Variants in COX6A1 observed in about 807,000 individuals in gnomAD.
COX6A1 encodes cytochrome c oxidase subunit 6A1.
Under a neutral mutation model 11.3 loss-of-function variants are expected in COX6A1, and 10 were observed. That is an observed-to-expected ratio of 0.88 (90% CI 0.54 to 1.50). The LOEUF is 1.50. Ranked by LOEUF, COX6A1 falls within the 40% of genes most tolerant of loss-of-function variation. The pLI, the probability that COX6A1 is intolerant of heterozygous loss-of-function variation, is 0.00. For missense variants in COX6A1, 149 were observed against 147.6 expected (o/e 1.01, Z -0.05); for synonymous variants, 81 against 60.6 (o/e 1.34, Z -1.57).
In COX6A1 at chr12:120,438,176, G is replaced by A. The variant is rs139069733; in HGVS notation, c.50G>A (p.Arg17His). Reference protein sequence around the residue: ...SSVSRLLGRSRPQLGRPMSSG... With the variant: ...SSVSRLLGRSHPQLGRPMSSG... ...GTTTCTCGGCTGCTGGGTCGGTCCC[G>A]CCCACAGCTGGGGCGGCCTATGTCG... The change falls in exon 1 of 3, where the codon CGC (arginine) becomes CAC (histidine). Residue 17 changes from arginine to histidine, a missense_variant. Transcript: ENST00000229379. 45 of 1,613,724 alleles carry A rather than the reference G, an allele frequency of 2.8e-5. No individual in the cohort carries two copies. Among genetic ancestry groups the A allele is most frequent in the Non-Finnish European group, 3.6e-5 (43 of 1,179,948 alleles).
rs1877612517 is a variant in COX6A1 at position 120,438,133 on chromosome 12, GT to G, written c.8del (p.Val3GlufsTer53). 2 of 1,613,468 alleles carry G rather than the reference GT, an allele frequency of 1.2e-6. No individual in the cohort carries two copies. Among genetic ancestry groups the G allele is most frequent in the Non-Finnish European group, 1.7e-6 (2 of 1,179,876 alleles). ...GCGGCAGTCCAGATCAAAAATGGCG[GT>G]AGTTGGTGTGTCCTCGGTTTCTCGG... MA[V>X]VGVSSVSRLL... is the part of the protein sequence containing the mutation. On this transcript the variant is annotated frameshift_variant, in exon 1 of 3. Coordinates refer to ENST00000229379, the MANE Select transcript of COX6A1 (RefSeq NM_004373.4). LOFTEE classifies it high-confidence loss of function.
rs1400680669 is a variant in COX6A1, at chr12:120,438,508, G to T, written c.233G>T (p.Arg78Leu). Reference sequence around the variant, plus strand: ...GAGTTCATCGCCTACCCCCATCTCCGCATCAGGACCAAGGTACGCCCTTGT... The same window carrying T: ...GAGTTCATCGCCTACCCCCATCTCCTCATCAGGACCAAGGTACGCCCTTGT... ...RPEFIAYPHL[R>L]IRTKPFPWGD... The change falls in exon 2 of 3, where the codon CGC (arginine) becomes CTC (leucine). Residue 78 changes from arginine to leucine, a missense_variant. Transcript: ENST00000229379. 2.5e-6 allele frequency: 4 copies of T among 1,614,044 alleles called. No individual in the cohort carries two copies. In the African/African-American group the frequency reaches 4.0e-5, roughly 16 times the overall value.
At chr12:120,438,566 A>T (rs557431897) in intron 2 of COX6A1, 45 bp downstream of exon 2, 2 of 1,613,794 alleles carry the variant, frequency 1.2e-6, no homozygotes, top group South Asian at 2.2e-5. Context: ...TCTTTTCGTT[A>T]TGTGTGCCTT....
In COX6A1 at chr12:120,438,176, G is replaced by C. The variant is rs139069733; in HGVS notation, c.50G>C (p.Arg17Pro). The change falls in exon 1 of 3, where the codon CGC becomes CCC. Residue 17 changes from arginine (R) to proline (P), a missense_variant. Physicochemically the swap from Arg to Pro is moderately radical, Grantham distance 103. Coordinates refer to ENST00000229379, the MANE Select transcript of COX6A1 (RefSeq NM_004373.4). ...GTTTCTCGGCTGCTGGGTCGGTCCC[G>C]CCCACAGCTGGGGCGGCCTATGTCG... is the stretch of plus-strand genomic sequence containing the variant. The part of the protein sequence containing the change: ...SSVSRLLGRS[R>P]PQLGRPMSSG... 1 of 1,613,842 alleles carries C rather than the reference G, an allele frequency of 6.2e-7. No homozygotes were observed. The highest frequency in any genetic ancestry group is 8.5e-7 in the Non-Finnish European group (1 of 1,179,940).
Position 120,438,175 on chromosome 12 carries a change from C to T in COX6A1, c.49C>T (p.Arg17Cys), listed in dbSNP as rs1877616458. The T allele has an allele frequency of 2.5e-6, 4 of 1,613,760 alleles. No homozygotes were observed. The highest frequency in any genetic ancestry group is 1.7e-5 in the Admixed American group (1 of 59,990). Reference protein sequence around the residue: ...SSVSRLLGRSRPQLGRPMSSG... With the variant: ...SSVSRLLGRSCPQLGRPMSSG... Reference sequence around the variant, plus strand: ...GGTTTCTCGGCTGCTGGGTCGGTCCCGCCCACAGCTGGGGCGGCCTATGTC... The same window carrying T: ...GGTTTCTCGGCTGCTGGGTCGGTCCTGCCCACAGCTGGGGCGGCCTATGTC... Residue 17 changes from arginine (R) to cysteine (C), a missense_variant, in exon 1 of 3, where the codon CGC becomes TGC. Arg to Cys is a radical substitution (Grantham distance 180). Coordinates refer to ENST00000229379, the MANE Select transcript of COX6A1 (RefSeq NM_004373.4).
At position 120,438,179 on chromosome 12, in the gene COX6A1, C is replaced by G. The variant is rs748364941; in HGVS notation, c.53C>G (p.Pro18Arg). 1.2e-6 allele frequency: 2 copies of G among 1,613,924 alleles called. No individual in the cohort carries two copies. Among genetic ancestry groups the G allele is most frequent in the South Asian group, 1.1e-5 (1 of 91,062 alleles). ...TCTCGGCTGCTGGGTCGGTCCCGCC[C>G]ACAGCTGGGGCGGCCTATGTCGAGT... Reference protein sequence around the residue: ...SVSRLLGRSRPQLGRPMSSGA... With the variant: ...SVSRLLGRSRRQLGRPMSSGA... The change falls in exon 1 of 3, where the codon CCA becomes CGA. Residue 18 changes from proline (P) to arginine (R), a missense_variant. Physicochemically the swap from Pro to Arg is moderately radical, Grantham distance 103. Coordinates refer to ENST00000229379, the MANE Select transcript of COX6A1 (RefSeq NM_004373.4).
chr12:120,438,749 T>C, intron 2 of COX6A1: 2 of 546,002 alleles, frequency 3.7e-6, no homozygotes. Flanking sequence ...AGTTTCCCTT[T>C]TCTCCGATTC....
At chr12:120,439,231 G>T (rs1050885673) in intron 2 of COX6A1, among the ~76,000 whole-genome samples, 3 of 152,134 alleles carry the variant, frequency 2.0e-5, no homozygotes, top group Non-Finnish European at 1.5e-5. Context: ...GGCTTATTCT[G>T]ATTCTTCAAT....
intron 2 of COX6A1, among the ~76,000 whole-genome samples, chr12:120,439,023 G>C (rs576269578): frequency 6.6e-6 from 1 of 151,898 alleles, no homozygotes; most frequent in East Asian, 2.0e-4. Flanking sequence ...GGGCAACAGA[G>C]CGAGACTCTG....
At chr12:120,440,360 A>G in intron 2 of COX6A1, 94 bp from the exon 3 acceptor site, 1 of 926,142 alleles carries the variant, frequency 1.1e-6, no homozygotes, top group Non-Finnish European at 1.7e-6. Context: ...TTTTGTTTTT[A>G]TATATGATCT....
At chr12:120,440,393 A>T in intron 2 of COX6A1, 61 bp from the exon 3 acceptor site, 1 of 1,325,456 alleles carries the variant, frequency 7.5e-7, no homozygotes, top group South Asian at 1.2e-5. Context: ...TAAGCAGTTC[A>T]TGACGGTGTT....
At chr12:120,438,790 T>A in intron 2 of COX6A1, 3 of 155,124 alleles carry the variant, frequency 1.9e-5, no homozygotes, top group Admixed American at 6.9e-5. Flanking sequence ...AGACAGTTCT[T>A]TTTTTTTTTT....
chr12:120,438,345 A>G lies in COX6A1; in HGVS notation c.104-34A>G, dbSNP rs1190297231. The G allele has an allele frequency of 1.9e-6, 3 of 1,614,044 alleles. 1 individual carries two copies. The highest frequency in any genetic ancestry group is 2.5e-6 in the Non-Finnish European group (3 of 1,180,026). On this transcript the variant is annotated intron_variant, in intron 1 of 2. Transcript: ENST00000229379. ...GGAAAGTGAGACCCGGGCCCGCCCC[A>G]TACCGGCGCTGAACGTTTGTGGCTT...
intron 2 of COX6A1, chr12:120,438,729 A>C (rs1250022167): frequency 1.7e-6 from 1 of 589,694 alleles, no homozygotes; most frequent in African/African-American, 1.9e-5. Flanking sequence ...TCATACAATA[A>C]GTGCTCTTCA....
intron 2 of COX6A1, among the ~76,000 whole-genome samples, chr12:120,439,365 A>T (rs1453564571): frequency 6.6e-6 from 1 of 151,920 alleles, no homozygotes; most frequent in African/African-American, 2.4e-5. Flanking sequence ...TATCTCTACT[A>T]AAAGTACAAA....
At chr12:120,438,993 G>T (rs981006249) in intron 2 of COX6A1, among the ~76,000 whole-genome samples, 5 of 152,076 alleles carry the variant, frequency 3.3e-5, no homozygotes, top group Non-Finnish European at 5.9e-5. Flanking sequence ...AGCTGAGATC[G>T]TGCCACTGCA....
chr12:120,438,210 C>A lies in COX6A1; in HGVS notation c.84C>A (p.Ala28=), dbSNP rs905599042. ...TGGGGCGGCCTATGTCGAGTGGCGC[C>A]CATGGCGAAGAGGGCTCAGGTACTG... ...PQLGRPMSSG[A]HGEEGSARMW... is the part of the protein sequence containing the mutation. The change falls in exon 1 of 3, where the codon GCC becomes GCA. Residue 28 remains alanine, a synonymous_variant. Coordinates refer to ENST00000229379, the MANE Select transcript of COX6A1 (RefSeq NM_004373.4). 1 of 1,613,748 alleles carries A rather than the reference C, an allele frequency of 6.2e-7. No homozygotes were observed.
intron 2 of COX6A1, chr12:120,439,913 A>T (rs1877683255): frequency 8.1e-6 from 1 of 122,836 alleles, no homozygotes. Flanking sequence ...GTGTCTCCCG[A>T]TACTACCCAG....
At position 120,438,471 on chromosome 12, in the gene COX6A1, C is replaced by T. The variant is rs750471573; in HGVS notation, c.196C>T (p.His66Tyr). Reference sequence around the variant, plus strand: ...GTACCTGAAGTCGCACCACGGAGAGCACGAGAGACCCGAGTTCATCGCCTA... The same window carrying T: ...GTACCTGAAGTCGCACCACGGAGAGTACGAGAGACCCGAGTTCATCGCCTA... ...NVYLKSHHGE[H>Y]ERPEFIAYPH... Residue 66 changes from histidine (H) to tyrosine (Y), a missense_variant, in exon 2 of 3, where the codon CAC (histidine) becomes TAC (tyrosine). Coordinates refer to ENST00000229379, the MANE Select transcript of COX6A1 (RefSeq NM_004373.4). The T allele has an allele frequency of 3.1e-6, 5 of 1,614,062 alleles. No individual in the cohort carries two copies. Among genetic ancestry groups the T allele is most frequent in the Admixed American group, 3.3e-5 (2 of 59,984 alleles).
Sources: gnomAD v4.1 joint callset for allele counts (sites outside exome capture counted in the v4.1 genomes callset) on GRCh38, gnomAD v4.1.1 for gene constraint, MANE v1.5 for transcripts, NCBI Gene and HGNC (gene_info 2026-07-23, HGNC 2026-07-21) for gene names.